Variants in GLCCI1 observed in about 807,000 individuals in gnomAD.
GLCCI1 encodes the protein glucocorticoid-induced transcript 1 protein.
A neutral mutation model predicts 52.2 loss-of-function variants in GLCCI1; 24 were observed. That is an observed-to-expected ratio of 0.46 (90% CI 0.33 to 0.65). The LOEUF (loss-of-function observed/expected upper bound fraction) is 0.65, where lower values mean the gene tolerates loss of function less well. GLCCI1 is among the 30% of genes least tolerant of loss of function. The probability of loss-of-function intolerance (pLI) is 0.02; values close to 1 mark genes in which losing one functional copy is unlikely to be tolerated. For missense variants in GLCCI1, 704 were observed against 701.5 expected, an observed-to-expected ratio of 1.00 and a Z score of -0.04; for synonymous variants, 310 against 276.5, an observed-to-expected ratio of 1.12 and a Z score of -1.20.
intron 1 of GLCCI1, chr7:7,980,339 TG>T (rs1780587374): frequency 5.6e-6 from 1 of 177,522 alleles, no homozygotes; most frequent in Admixed American, 6.2e-5. Flanking sequence ...GAGACTACTG[TG>T]GGCAATGTGG....
intron 3 of GLCCI1, among the ~76,000 whole-genome samples, chr7:8,037,504 T>C (rs1187690431): frequency 6.6e-6 from 1 of 152,150 alleles, no homozygotes; most frequent in Non-Finnish European, 1.5e-5. Flanking sequence ...ACAAAGCAAC[T>C]AGGTAAGTTA....
At chr7:8,030,614 A>G (rs112320778) in intron 3 of GLCCI1, among the ~76,000 whole-genome samples, 13 of 152,296 alleles carry the variant, frequency 8.5e-5, no homozygotes, top group South Asian at 2.1e-4. Context: ...GAATGGGAGA[A>G]AATATTTGCA....
chr7:8,019,136 C>T (rs1781432206), intron 2 of GLCCI1, among the ~76,000 whole-genome samples: 1 of 152,122 alleles, frequency 6.6e-6, no homozygotes, highest in Admixed American at 6.5e-5. Flanking sequence ...TAAAATAACT[C>T]ATTAAAAATC....
chr7:8,059,675 T>C (rs1782472801), intron 4 of GLCCI1, among the ~76,000 whole-genome samples: 1 of 152,204 alleles, frequency 6.6e-6, no homozygotes. Context: ...TAGAACGTAA[T>C]TGTCACCATA....
intron 1 of GLCCI1, among the ~76,000 whole-genome samples, chr7:7,976,505 G>GAAAAAAAAAA (rs1562413230): frequency 1.9e-4 from 17 of 87,598 alleles, no homozygotes; most frequent in African/African-American, 6.5e-4. Flanking sequence ...AAAAGGAAAG[G>GAAAAAAAAAA]AAAAAGGAAA....
chr7:8,002,480 A>C (rs1781069249), intron 1 of GLCCI1, among the ~76,000 whole-genome samples: 1 of 152,208 alleles, frequency 6.6e-6, no homozygotes, highest in Non-Finnish European at 1.5e-5. Flanking sequence ...ACAGATAAAG[A>C]GGAAATCTGG....
intron 6 of GLCCI1, among the ~76,000 whole-genome samples, chr7:8,079,248 A>G (rs1782940322): frequency 6.6e-6 from 1 of 150,566 alleles, no homozygotes; most frequent in Non-Finnish European, 1.5e-5. Flanking sequence ...AGGATACCTT[A>G]GGAGCAGTTT....
intron 1 of GLCCI1, among the ~76,000 whole-genome samples, chr7:7,979,801 T>C (rs1780571100): frequency 6.6e-6 from 1 of 152,262 alleles, no homozygotes; most frequent in South Asian, 2.1e-4. Flanking sequence ...TGGCTTTGTC[T>C]AAATATCTGC....
At chr7:8,027,859 G>C (rs1197329003) in intron 3 of GLCCI1, among the ~76,000 whole-genome samples, 3 of 152,126 alleles carry the variant, frequency 2.0e-5, no homozygotes, top group Non-Finnish European at 2.9e-5. Context: ...GACAAAAACT[G>C]TAAGAAAAGA....
chr7:8,041,391 G>A (rs1781995694), intron 3 of GLCCI1, among the ~76,000 whole-genome samples: 1 of 152,170 alleles, frequency 6.6e-6, no homozygotes, highest in Admixed American at 6.5e-5. Flanking sequence ...AGTACTAAGT[G>A]GTGATGTAGA....
At chr7:8,021,996 A>C (rs1781501357) in intron 2 of GLCCI1, among the ~76,000 whole-genome samples, 1 of 152,190 alleles carries the variant, frequency 6.6e-6, no homozygotes. Flanking sequence ...ATATTTTTCA[A>C]AAAAGATACT....
Position 8,086,782 on chromosome 7 carries a change from T to C in GLCCI1, c.*244T>C, listed in dbSNP as rs14673. Reference sequence around the variant, plus strand: ...TTTTAAGTGGAGACTATGCATTTCATAGTATATTTGACAGATTAGTACTGT... The same window carrying C: ...TTTTAAGTGGAGACTATGCATTTCACAGTATATTTGACAGATTAGTACTGT... On this transcript the variant is annotated 3_prime_UTR_variant, in exon 8 of 8. Transcript: ENST00000223145. This position sits in a 1 kb window ranked among gnomAD's most constrained non-coding sequence, Gnocchi z 4.4. 1.8e-5 allele frequency: 9 copies of C among 486,778 alleles called. No individual in the cohort carries two copies. The highest frequency in any genetic ancestry group is 1.5e-4 in the African/African-American group (8 of 52,022). 30.2% of individuals were successfully genotyped at this position (486,778 alleles called of 1,614,324 possible). A position where few individuals can be genotyped will look rare whatever the true frequency, so the allele number is the denominator to read the frequency against.
chr7:8,023,056 C>T (rs994695432), intron 3 of GLCCI1, among the ~76,000 whole-genome samples: 7 of 152,208 alleles, frequency 4.6e-5, no homozygotes, highest in African/African-American at 1.7e-4. Flanking sequence ...CGCTCTGTTG[C>T]CCAGGCTGGA....
At chr7:8,043,293 A>G (rs1782043544) in intron 3 of GLCCI1, among the ~76,000 whole-genome samples, 1 of 151,948 alleles carries the variant, frequency 6.6e-6, no homozygotes. Context: ...CAAACCTGCA[A>G]TATCTTAAAA....
intron 1 of GLCCI1, among the ~76,000 whole-genome samples, chr7:7,971,370 C>T (rs1033762397): frequency 6.6e-6 from 1 of 152,226 alleles, no homozygotes; most frequent in Non-Finnish European, 1.5e-5. Flanking sequence ...CTCCTTTGCA[C>T]ATTTTCTAGA....
Position 7,984,456 on chromosome 7 carries a change from T to G in GLCCI1, c.457+14649T>G, listed in dbSNP as rs573138414. 2.0e-5 allele frequency among the ~76,000 whole-genome samples: 3 copies of G among 150,220 alleles called. No homozygotes were observed. In the South Asian group the frequency reaches 6.2e-4, roughly 31 times the overall value. ...TGTTTTTATAGTCCCTCCTAAAGAC[T>G]GTGGTAATACTGAGCTCCAAGTAAG... On this transcript the variant is annotated intron_variant, in intron 1 of 7. Transcript: ENST00000223145.
chr7:7,980,422 G>A, intron 1 of GLCCI1: 1 of 243,394 alleles, frequency 4.1e-6, no homozygotes, highest in Non-Finnish European at 7.7e-6. Flanking sequence ...CAGTTTAATG[G>A]CATTTGTGAT....
At chr7:7,972,945 C>T (rs1298267923) in intron 1 of GLCCI1, among the ~76,000 whole-genome samples, 1 of 152,092 alleles carries the variant, frequency 6.6e-6, no homozygotes, top group East Asian at 1.9e-4. Context: ...CATGCATCAT[C>T]CTCTTTTTGC....
intron 6 of GLCCI1, among the ~76,000 whole-genome samples, chr7:8,081,586 A>C (rs1202733264): frequency 6.6e-6 from 1 of 152,224 alleles, no homozygotes; most frequent in African/African-American, 2.4e-5. Flanking sequence ...TGGGCCCCAC[A>C]ATATACCAGA....
Sources: gnomAD v4.1 joint callset for allele counts (sites outside exome capture counted in the v4.1 genomes callset) on GRCh38, gnomAD v4.1.1 for gene constraint, Gnocchi (gnomAD v3.1) non-coding constraint, MANE v1.5 for transcripts, NCBI Gene and HGNC (gene_info 2026-07-23, HGNC 2026-07-21) for gene names.